Variants in IL16 observed in about 807,000 individuals in gnomAD.
IL16 encodes the protein interleukin 16, also known as pro-interleukin-16.
In IL16, 67 loss-of-function variants were observed where a neutral mutation model predicts 110.1. The observed-to-expected ratio is 0.61, with a 90% CI of 0.50 to 0.75. The LOEUF is 0.75. Among genes scored for constraint, IL16 ranks in the 30% least tolerant of loss-of-function variants. IL16 has a pLI of 0.00. For synonymous variants in IL16, 689 were observed against 662.9 expected (o/e 1.04, Z -0.61); for missense variants, 1,545 against 1,655.0 (o/e 0.93, Z 1.15).
chr15:81,183,048 T>TGTGTGTGCACACGTGTGAGC (rs1566985514), intron 1 of IL16, among the ~76,000 whole-genome samples: 1 of 151,960 alleles, frequency 6.6e-6, no homozygotes, highest in African/African-American at 2.4e-5. Flanking sequence ...CACGTGTGAG[T>TGTGTGTGCACACGTGTGAGC]GTGTGTGCAC....
At chr15:81,274,436 G>T (rs1290458035) in intron 6 of IL16, among the ~76,000 whole-genome samples, 1 of 152,138 alleles carries the variant, frequency 6.6e-6, no homozygotes, top group Non-Finnish European at 1.5e-5. Flanking sequence ...TCTCAGCAGG[G>T]TGCCCCCATC....
At chr15:81,240,867 T>C (rs531027744) in intron 2 of IL16, among the ~76,000 whole-genome samples, 66 of 152,284 alleles carry the variant, frequency 4.3e-4, no homozygotes, top group African/African-American at 1.5e-3. Context: ...ATTGTTACCA[T>C]TTCCTAAAGT....
At chr15:81,190,313 C>G (rs1895480175) in intron 1 of IL16, among the ~76,000 whole-genome samples, 1 of 152,250 alleles carries the variant, frequency 6.6e-6, no homozygotes, top group Admixed American at 6.5e-5. Flanking sequence ...TGACCACTCC[C>G]TCCCAGTGTG....
At chr15:81,283,579 C>G (rs1173644407) in intron 9 of IL16, among the ~76,000 whole-genome samples, 1 of 152,210 alleles carries the variant, frequency 6.6e-6, no homozygotes, top group East Asian at 1.9e-4. Context: ...AGCATCGTCT[C>G]AGAGAATGCC....
At chr15:81,264,465 C>T (rs1355158164) in intron 3 of IL16, among the ~76,000 whole-genome samples, 1 of 152,202 alleles carries the variant, frequency 6.6e-6, no homozygotes, top group South Asian at 2.1e-4. Context: ...CAGTGGCTTC[C>T]TCTCTTCAGC....
chr15:81,263,209 G>C (rs1898227522), intron 3 of IL16, among the ~76,000 whole-genome samples: 1 of 151,946 alleles, frequency 6.6e-6, no homozygotes, highest in South Asian at 2.1e-4. Context: ...AAGTTAGCTT[G>C]GTGTTATTCA....
chr15:81,286,671 G>A (rs1899464716), intron 10 of IL16, among the ~76,000 whole-genome samples: 1 of 152,200 alleles, frequency 6.6e-6, no homozygotes. Flanking sequence ...GATAGAGTGG[G>A]TGGAGTGTGG....
At chr15:81,184,655 C>T (rs192391971) in intron 1 of IL16, among the ~76,000 whole-genome samples, 45 of 152,320 alleles carry the variant, frequency 3.0e-4, no homozygotes, top group African/African-American at 9.9e-4. Flanking sequence ...GGCGATGCCC[C>T]ATCAACTACT....
intron 4 of IL16, among the ~76,000 whole-genome samples, chr15:81,267,165 T>C (rs1487476883): frequency 1.3e-5 from 2 of 152,136 alleles, no homozygotes; most frequent in Non-Finnish European, 2.9e-5. Context: ...CTTCCTGTCT[T>C]TGCTGCCTCA....
chr15:81,256,608 T>C (rs1449659069), intron 2 of IL16, among the ~76,000 whole-genome samples: 5 of 152,194 alleles, frequency 3.3e-5, no homozygotes, highest in Non-Finnish European at 5.9e-5. Flanking sequence ...CCTCCCAAAG[T>C]GCAGGGATTA....
intron 1 of IL16, among the ~76,000 whole-genome samples, chr15:81,205,437 C>T (rs536355785): frequency 3.9e-5 from 6 of 152,170 alleles, no homozygotes; most frequent in Non-Finnish European, 8.8e-5. Context: ...GCCATTCTTG[C>T]AATCAATGAA....
intron 5 of IL16, 136 bp downstream of exon 5, chr15:81,269,784 C>T: frequency 1.6e-6 from 1 of 633,492 alleles, no homozygotes; most frequent in Non-Finnish European, 2.8e-6. Context: ...ACAAGAGTGG[C>T]TAGTCTTAAA....
intron 10 of IL16, among the ~76,000 whole-genome samples, chr15:81,288,668 G>C (rs1172905004): frequency 6.6e-6 from 1 of 152,094 alleles, no homozygotes; most frequent in East Asian, 1.9e-4. Context: ...CTGTCTCTGT[G>C]ATTTTGACTA....
intron 4 of IL16, 56 bp downstream of exon 4, chr15:81,265,857 G>C (rs754342379): frequency 6.5e-7 from 1 of 1,533,936 alleles, no homozygotes; most frequent in Non-Finnish European, 8.9e-7. Context: ...AGAAGGGAGG[G>C]GCCCAACATT....
intron 2 of IL16, among the ~76,000 whole-genome samples, chr15:81,241,244 T>C (rs187262261): frequency 5.9e-5 from 9 of 152,218 alleles, no homozygotes; most frequent in East Asian, 3.9e-4. Flanking sequence ...AAGTATCTCC[T>C]TCCTAGTGTT....
intron 2 of IL16, among the ~76,000 whole-genome samples, chr15:81,234,839 A>T (rs781179398): frequency 6.6e-6 from 1 of 152,206 alleles, no homozygotes; most frequent in Non-Finnish European, 1.5e-5. Context: ...TTAAAAATAC[A>T]TGTTCTACCT....
chr15:81,299,561 TGAA>T lies in IL16; in HGVS notation c.2243_2245del (p.Glu748del), dbSNP rs758495176. ...CTCTACAGCCCAATGCCAGCCTGAA[TGAA>T]GAAGAAGGGACACAGGGCCACCCAG... On this transcript the variant is annotated inframe_deletion, in exon 14 of 19. Transcript: ENST00000683961. The T allele has an allele frequency of 1.3e-4, 202 of 1,614,102 alleles. No homozygotes were observed. Among genetic ancestry groups the T allele is most frequent in the African/African-American group, 1.1e-3 (80 of 75,006 alleles).
chr15:81,252,658 T>A (rs1291654695), intron 2 of IL16, among the ~76,000 whole-genome samples: 1 of 152,198 alleles, frequency 6.6e-6, no homozygotes, highest in Non-Finnish European at 1.5e-5. Context: ...TCCTGCCCGA[T>A]CCCTAATTAC....
intron 1 of IL16, among the ~76,000 whole-genome samples, chr15:81,199,107 A>G (rs1016882336): frequency 6.7e-6 from 1 of 150,024 alleles, no homozygotes; most frequent in Non-Finnish European, 1.5e-5. Context: ...ATACATTTTC[A>G]TATATAGGTT....
Sources: gnomAD v4.1 joint callset for allele counts (sites outside exome capture counted in the v4.1 genomes callset) on GRCh38, gnomAD v4.1.1 for gene constraint, MANE v1.5 for transcripts, NCBI Gene and HGNC (gene_info 2026-07-23, HGNC 2026-07-21) for gene names.